The following DGKQ variants were observed in gnomAD, a reference collection of about 807,000 sequenced individuals.
DGKQ encodes diacylglycerol kinase theta.
In DGKQ, 97 loss-of-function variants were observed where a neutral mutation model predicts 104.2. The observed-to-expected ratio is 0.93, with a 90% CI of 0.79 to 1.10. The LOEUF is 1.10. DGKQ is among the 50% of genes least tolerant of loss of function. The pLI, the probability that DGKQ is intolerant of heterozygous loss-of-function variation, is 0.00. For synonymous variants in DGKQ, 736 were observed against 595.2 expected, an observed-to-expected ratio of 1.24 and a Z score of -3.44; for missense variants, 1,465 against 1,352.1, an observed-to-expected ratio of 1.08 and a Z score of -1.31.
intron 15 of DGKQ, among the ~76,000 whole-genome samples, chr4:964,715 C>A (rs1712160586): frequency 6.6e-6 from 1 of 152,218 alleles, no homozygotes; most frequent in African/African-American, 2.4e-5. Flanking sequence ...GCCTCCCGGG[C>A]AGGGGGAGTG....
In DGKQ at chr4:967,057, G is replaced by A. The variant is rs1712423317; in HGVS notation, c.1221-3C>T. 3 of 1,552,848 alleles carry A rather than the reference G, an allele frequency of 1.9e-6. No individual in the cohort carries two copies. Among genetic ancestry groups the A allele is most frequent in the African/African-American group, 1.4e-5 (1 of 73,370 alleles). ...CGGACACGTAGGCCACGCCCACCCT[G>A]TGGGGACACAGTCTGAGCTGGAGCT... On this transcript the variant is annotated splice_region_variant and splice_polypyrimidine_tract_variant and intron_variant, in intron 9 of 22. Coordinates refer to ENST00000273814, the MANE Select transcript of DGKQ (RefSeq NM_001347.4).
intron 10 of DGKQ, 63 bp downstream of exon 10, chr4:966,898 GCCT>G: frequency 3.2e-6 from 5 of 1,550,174 alleles, no homozygotes. Flanking sequence ...TGGTGGCCTG[GCCT>G]CCTGGGGACA....
rs2153007467 is a variant in DGKQ, at chr4:960,660, C to CG, written c.2788dup (p.Arg930ProfsTer9). 6.2e-7 allele frequency: 1 copy of CG among 1,612,312 alleles called. No individual in the cohort carries two copies. Among genetic ancestry groups the CG allele is most frequent in the East Asian group, 2.2e-5 (1 of 44,876 alleles). The stretch of plus-strand genomic sequence containing the variant: ...CTCAGGGGCAGGCGCAGCATCCGCC[C>CG]GGGCATCCCTGGTGGTCCCGGCCCT... On this transcript the variant is annotated frameshift_variant, in exon 23 of 23. Coordinates refer to ENST00000273814, the MANE Select transcript of DGKQ (RefSeq NM_001347.4). LOFTEE classifies it low-confidence loss of function (END_TRUNC).
Position 967,401 on chromosome 4 carries a change from T to A in DGKQ, c.988-40A>T, listed in dbSNP as rs1002559328. 11 of 640,840 alleles carry A rather than the reference T, an allele frequency of 1.7e-5. No homozygotes were observed. The African/African-American group carries it at 2.7e-4, about 16-fold the overall frequency. The allele number at this position is 640,840 out of a possible 1,614,324, so 39.7% of individuals were successfully genotyped here. A position where few individuals can be genotyped will look rare whatever the true frequency, so the allele number is the denominator to read the frequency against. ...GTTAGAGGGGCCAAGTTGTGGGGGG[T>A]CAGGCGGGGTTCAGTGGGGGGCAGG... On this transcript the variant is annotated intron_variant, in intron 8 of 22. Coordinates refer to ENST00000273814, the MANE Select transcript of DGKQ (RefSeq NM_001347.4).
In DGKQ at chr4:967,634, T is replaced by C; in HGVS notation, c.902A>G (p.Lys301Arg). Residue 301 changes from lysine to arginine, a missense_variant, in exon 8 of 23, where the codon AAG becomes AGG. Lys to Arg is a conservative substitution (Grantham distance 26). Transcript: ENST00000273814. ...ATPESGKQTLKIFDGDDAVRR... is the reference protein window; with the variant it reads ...ATPESGKQTLRIFDGDDAVRR... ...CACCGCGTCGTCGCCATCAAAGATC[T>C]TCAGCGTTTGCTTCCCTGGGCCGGG... 6.2e-7 allele frequency: 1 copy of C among 1,612,652 alleles called. No homozygotes were observed. The highest frequency in any genetic ancestry group is 8.5e-7 in the Non-Finnish European group (1 of 1,179,850).
At chr4:968,179 CG>C in intron 5 of DGKQ, 102 bp downstream of exon 5, 1 of 316,120 alleles carries the variant, frequency 3.2e-6, no homozygotes. Flanking sequence ...CTGGAACCCG[CG>C]CCTCTCCTGC....
intron 20 of DGKQ, 37 bp downstream of exon 20, chr4:961,651 C>A: frequency 1.2e-6 from 2 of 1,611,364 alleles, no homozygotes. Context: ...CATGGCCCCG[C>A]CGGGCAGAGC....
In DGKQ at chr4:968,374, G is replaced by A. The variant is rs1331497806; in HGVS notation, c.571C>T (p.Leu191=). The change falls in exon 5 of 23, where the codon CTG becomes TTG. Residue 191 remains leucine (L), a synonymous_variant. Coordinates refer to ENST00000273814, the MANE Select transcript of DGKQ (RefSeq NM_001347.4). ...THHHHWREGN[L]PSGARCEVCR... ...ACCTCGCAGCGCGCTCCCGAGGGCA[G>A]GTTCCCCTCCCGCCAGTGGTGGTGA... 3 of 1,552,818 alleles carry A rather than the reference G, an allele frequency of 1.9e-6. No homozygotes were observed. In the South Asian group the frequency reaches 3.5e-5, roughly 18 times the overall value.
chr4:969,886 C>T (rs1029156095), intron 2 of DGKQ, among the ~76,000 whole-genome samples: 2 of 152,242 alleles, frequency 1.3e-5, no homozygotes, highest in African/African-American at 2.4e-5. Flanking sequence ...GCTGGGATTA[C>T]GGGCGTGAGC....
At position 962,093 on chromosome 4, in the gene DGKQ, G is replaced by T; in HGVS notation, c.2215-11C>A. The stretch of plus-strand genomic sequence containing the variant: ...ACTCATCTGCACGATCTGGGGACAG[G>T]GCGTTCATCTCCCAGGACCCGGCCG... On this transcript the variant is annotated splice_polypyrimidine_tract_variant and intron_variant, in intron 18 of 22. Coordinates refer to ENST00000273814, the MANE Select transcript of DGKQ (RefSeq NM_001347.4). The T allele has an allele frequency of 6.2e-7, 1 of 1,607,394 alleles. No individual in the cohort carries two copies. Among genetic ancestry groups the T allele is most frequent in the Non-Finnish European group, 8.5e-7 (1 of 1,178,260 alleles).
chr4:973,156 G>T lies in DGKQ; in HGVS notation c.271+56C>A, dbSNP rs1445777052. The T allele has an allele frequency of 8.4e-6, 12 of 1,429,140 alleles. No individual in the cohort carries two copies. In the South Asian group the frequency reaches 1.5e-4, roughly 18 times the overall value. The allele number at this position is 1,429,140 out of a possible 1,614,324, so 88.5% of individuals were successfully genotyped here. ...CGGTGCCACCTCCGCTCAGGCTCCC[G>T]CCCACGGGGCAGAGGCAGGGCTGCA... is the stretch of plus-strand genomic sequence containing the variant. On this transcript the variant is annotated intron_variant, in intron 1 of 22. Transcript: ENST00000273814.
rs757439984 is a variant in DGKQ, at chr4:963,254, CAAG to C, written c.1768_1770del (p.Leu590del). ...CCTCCACTCTTGGGGTTCACGAACA[CAAG>C]GAGGGGACAGCTGTCTGGGGGCAGC... is the stretch of plus-strand genomic sequence containing the variant. On this transcript the variant is annotated inframe_deletion, in exon 16 of 23. Transcript: ENST00000273814. The C allele has an allele frequency of 2.5e-5, 41 of 1,610,556 alleles. No homozygotes were observed. Among genetic ancestry groups the C allele is most frequent in the Non-Finnish European group, 3.4e-5 (40 of 1,178,206 alleles).
chr4:966,767 C>T lies in DGKQ; in HGVS notation c.1347G>A (p.Val449=), dbSNP rs777495554. 2.5e-6 allele frequency: 4 copies of T among 1,609,754 alleles called. No homozygotes were observed. The highest frequency in any genetic ancestry group is 1.1e-5 in the South Asian group (1 of 90,332). The change falls in exon 11 of 23, where the codon GTG becomes GTA. Residue 449 remains valine (V), a synonymous_variant. Transcript: ENST00000273814. Reference sequence around the variant, plus strand: ...ACTCACCGTGCCTGCAGCCCATCGCCACCTCCACCAGCTGGAAGCTCTCGG... The same window carrying T: ...ACTCACCGTGCCTGCAGCCCATCGCTACCTCCACCAGCTGGAAGCTCTCGG... The part of the protein sequence containing the change: ...ESPESFQLVE[V]AMGCRHVQRT...
rs753298069 is a variant in DGKQ, at chr4:961,496, C to T, written c.2545G>A (p.Val849Ile). The T allele has an allele frequency of 3.1e-6, 5 of 1,606,582 alleles. No homozygotes were observed. The highest frequency in any genetic ancestry group is 1.1e-5 in the South Asian group (1 of 90,374). ...TGCACGACGCCCGTCACGCCCACAA[C>T]CTCCAGCAGCCCGTCGTCCATGCGT... ...KPRMDDGLLE[V>I]VGVTGVVHMG... Residue 849 changes from valine (V) to isoleucine (I), a missense_variant, in exon 21 of 23, where the codon GTT becomes ATT. Physicochemically the swap from Val to Ile is conservative, Grantham distance 29. Coordinates refer to ENST00000273814, the MANE Select transcript of DGKQ (RefSeq NM_001347.4).
In DGKQ at chr4:968,112, C is replaced by A. The variant is rs995430861; in HGVS notation, c.664-85G>T. ...GCCAGGTCCAGGGAAAGACCCCACA[C>A]GACGCAGACCCACCTGGACCCCGTG... is the stretch of plus-strand genomic sequence containing the variant. On this transcript the variant is annotated intron_variant, in intron 5 of 22. Transcript: ENST00000273814. 4 of 1,022,690 alleles carry A rather than the reference C, an allele frequency of 3.9e-6. No homozygotes were observed. In the South Asian group the frequency reaches 7.7e-5, roughly 20 times the overall value. 63.4% of individuals were successfully genotyped at this position (1,022,690 alleles called of 1,614,324 possible). A position where few individuals can be genotyped will look rare whatever the true frequency, so the allele number is the denominator to read the frequency against.
At position 966,449 on chromosome 4, in the gene DGKQ, CG is replaced by C. The variant is rs1560515303; in HGVS notation, c.1428+16del. On this transcript the variant is annotated intron_variant, in intron 12 of 22. Coordinates refer to ENST00000273814, the MANE Select transcript of DGKQ (RefSeq NM_001347.4). ...GGGCTGCTGGTTCCCTGGGGGCCGG[CG>C]TCCACACCCACTCACCTGCCGGATG... 6.2e-7 allele frequency: 1 copy of C among 1,610,934 alleles called. No homozygotes were observed. The highest frequency in any genetic ancestry group is 8.5e-7 in the Non-Finnish European group (1 of 1,178,680).
At position 968,325 on chromosome 4, in the gene DGKQ, G is replaced by C. The variant is rs1712627174; in HGVS notation, c.620C>G (p.Ser207Cys). 8.2e-7 allele frequency: 1 copy of C among 1,220,860 alleles called. No homozygotes were observed. The highest frequency in any genetic ancestry group is 1.0e-6 in the Non-Finnish European group (1 of 959,430). The allele number at this position is 1,220,860 out of a possible 1,614,324, so 75.6% of individuals were successfully genotyped here. A position where few individuals can be genotyped will look rare whatever the true frequency, so the allele number is the denominator to read the frequency against. ...CEVCRKTCGS[S>C]DVLAGVRCEW... is the part of the protein sequence containing the mutation. Reference sequence around the variant, plus strand: ...GCAGCGCACGCCGGCCAGCACGTCAGAGGAGCCGCACGTCTTCCTGCAGAC... The same window carrying C: ...GCAGCGCACGCCGGCCAGCACGTCACAGGAGCCGCACGTCTTCCTGCAGAC... The change falls in exon 5 of 23, where the codon TCT (serine) becomes TGT (cysteine). Residue 207 changes from serine (S) to cysteine (C), a missense_variant. Physicochemically the swap from Ser to Cys is moderately radical, Grantham distance 112 (BLOSUM62 -1). Coordinates refer to ENST00000273814, the MANE Select transcript of DGKQ (RefSeq NM_001347.4).
Position 967,158 on chromosome 4 carries a change from C to G in DGKQ, c.1191G>C (p.Glu397Asp). 6.3e-7 allele frequency: 1 copy of G among 1,598,468 alleles called. No individual in the cohort carries two copies. Among genetic ancestry groups the G allele is most frequent in the Non-Finnish European group, 8.5e-7 (1 of 1,173,124 alleles). ...WVIRALPRAQ[E>D]VLKIYPGWLK... ...GCCAGCCAGGGTAGATCTTCAGGACCTCCTGGGCCCGCGGCAGAGCCCGGA... is the reference window on the plus strand; with the variant it reads ...GCCAGCCAGGGTAGATCTTCAGGACGTCCTGGGCCCGCGGCAGAGCCCGGA... Residue 397 changes from glutamate to aspartate, a missense_variant, in exon 9 of 23, where the codon GAG becomes GAC. Coordinates refer to ENST00000273814, the MANE Select transcript of DGKQ (RefSeq NM_001347.4).
chr4:973,547 G>C lies in DGKQ; in HGVS notation c.-65C>G, dbSNP rs111344337. The C allele has an allele frequency of 3.3e-5, 32 of 982,672 alleles. No homozygotes were observed. The highest frequency in any genetic ancestry group is 2.3e-4 in the East Asian group (2 of 8,702). The allele number at this position is 982,672 out of a possible 1,614,324, so 60.9% of individuals were successfully genotyped here. ...GGGGGTACAGGAGCCGCCGCTCCAC[G>C]GCCCGGTACACTGCTTCCGACTGCG... On this transcript the variant is annotated 5_prime_UTR_variant, in exon 1 of 23. Transcript: ENST00000273814.
Sources: gnomAD v4.1 joint callset for allele counts (sites outside exome capture counted in the v4.1 genomes callset) on GRCh38, gnomAD v4.1.1 for gene constraint, MANE v1.5 for transcripts, NCBI Gene and HGNC (gene_info 2026-07-23, HGNC 2026-07-21) for gene names.